TRRAP: variants seen among roughly 807,000 people sequenced by gnomAD.
TRRAP encodes transformation/transcription domain-associated protein.
Under a neutral mutation model 438.8 loss-of-function variants are expected in TRRAP, and 41 were observed. That is an observed-to-expected ratio of 0.09 (90% CI 0.07 to 0.12). The LOEUF is 0.12. TRRAP is among the 10% of genes least tolerant of loss of function. The pLI, the probability that TRRAP is intolerant of heterozygous loss-of-function variation, is 1.00. For synonymous variants in TRRAP, 1,994 were observed against 1,962.9 expected (o/e 1.02, Z -0.42); for missense variants, 3,122 against 5,055.1 (o/e 0.62, Z 11.60).
At chr7:98,947,159 A>G (rs2116597759) in intron 33 of TRRAP, among the ~76,000 whole-genome samples, 2 of 152,374 alleles carry the variant, frequency 1.3e-5, no homozygotes, top group East Asian at 1.9e-4. Flanking sequence ...CCTTGTGGCC[A>G]TGGAGAATTC....
chr7:98,941,501 C>T lies in TRRAP; in HGVS notation c.4405-1448C>T, dbSNP rs565281675. Among the ~76,000 whole-genome samples the T allele has an allele frequency of 6.6e-5, 10 of 152,158 alleles. No homozygotes were observed. In the East Asian group the frequency reaches 1.7e-3, roughly 26 times the overall value. On this transcript the variant is annotated intron_variant, in intron 30 of 72. Transcript: ENST00000456197. ...TTGATTGGCTTGAATATTTCCTCATCAAACTAAAGATGAATTTTATATACC... is the reference window on the plus strand; with the variant it reads ...TTGATTGGCTTGAATATTTCCTCATTAAACTAAAGATGAATTTTATATACC...
chr7:99,004,129 G>A, intron 67 of TRRAP, 61 bp from the exon 68 acceptor site: 1 of 1,471,274 alleles, frequency 6.8e-7, no homozygotes, highest in Non-Finnish European at 9.2e-7. Context: ...AGCGTTTTTT[G>A]CAGTGTGTTA....
At chr7:98,935,338 T>C (rs537273413) in intron 27 of TRRAP, among the ~76,000 whole-genome samples, 1 of 151,570 alleles carries the variant, frequency 6.6e-6, no homozygotes, top group East Asian at 1.9e-4. Context: ...GAAAAAAACA[T>C]GGTGGTATCA....
At chr7:98,952,680 G>T (rs562812502) in intron 39 of TRRAP, among the ~76,000 whole-genome samples, 1 of 152,326 alleles carries the variant, frequency 6.6e-6, no homozygotes, top group Non-Finnish European at 1.5e-5. Flanking sequence ...TGAAGGGGAA[G>T]AGTGGGCTGA....
In TRRAP at chr7:99,007,434, C is replaced by T. The variant is rs145279243; in HGVS notation, c.10754-943C>T. On this transcript the variant is annotated intron_variant, in intron 69 of 72. Transcript: ENST00000456197. The stretch of plus-strand genomic sequence containing the variant: ...CGCAATCTCAGTTCACTGCCACCTC[C>T]ACCTCCTGGGTTCAAGCAATTCTTC... Among the ~76,000 whole-genome samples, 260 of 152,172 alleles carry T rather than the reference C, an allele frequency of 1.7e-3. 2 individuals are homozygous for T. Among genetic ancestry groups the T allele is most frequent in the African/African-American group, 6.0e-3 (250 of 41,508 alleles).
intron 53 of TRRAP, among the ~76,000 whole-genome samples, chr7:98,974,646 A>G (rs1002634516): frequency 3.3e-5 from 5 of 152,230 alleles, no homozygotes; most frequent in Non-Finnish European, 7.3e-5. Flanking sequence ...AAATCCCTAA[A>G]GATCAAAATT....
chr7:98,925,223 GACA>G lies in TRRAP; in HGVS notation c.2940_2942del (p.Asn980del). Reference sequence around the variant, plus strand: ...CCTGGTGGCCATGATGAGCCTGGAGGACAACAAGCACGCACTCTACCAGCTCCT... The same window carrying G: ...CCTGGTGGCCATGATGAGCCTGGAGGACAAGCACGCACTCTACCAGCTCCT... On this transcript the variant is annotated inframe_deletion, in exon 22 of 73. Coordinates refer to ENST00000456197, the MANE Select transcript of TRRAP (RefSeq NM_001375524.1). 1 of 1,614,134 alleles carries G rather than the reference GACA, an allele frequency of 6.2e-7. No individual in the cohort carries two copies.
rs1379498211 is a variant in TRRAP at position 99,012,759 on chromosome 7, T to C, written c.*404T>C. ...TCGGAAATAACACCTCACAGCAGCT[T>C]CGTGCTTTTGTACAGACCTTTGTAA... is the stretch of plus-strand genomic sequence containing the variant. On this transcript the variant is annotated 3_prime_UTR_variant, in exon 73 of 73. Coordinates refer to ENST00000456197, the MANE Select transcript of TRRAP (RefSeq NM_001375524.1). This position sits in a 1 kb window ranked among gnomAD's most constrained non-coding sequence, Gnocchi z 5.9. 5.1e-6 allele frequency: 1 copy of C among 194,932 alleles called. No individual in the cohort carries two copies. The highest frequency in any genetic ancestry group is 2.3e-5 in the African/African-American group (1 of 42,568). The allele number at this position is 194,932 out of a possible 1,614,324, so 12.1% of individuals were successfully genotyped here.
At chr7:99,008,585 G>A (rs1442348705) in intron 70 of TRRAP, 24 bp downstream of exon 70, 1 of 1,609,306 alleles carries the variant, frequency 6.2e-7, no homozygotes, top group Non-Finnish European at 8.5e-7. Flanking sequence ...CGGGCCGGGG[G>A]CCGAGCTGCC....
In TRRAP at chr7:98,893,811, A is replaced by C; in HGVS notation, c.380A>C (p.Glu127Ala). Residue 127 changes from glutamate to alanine, a missense_variant, in exon 6 of 73, where the codon GAA becomes GCA. By Grantham distance (107) the Glu-to-Ala change is moderately radical. Coordinates refer to ENST00000456197, the MANE Select transcript of TRRAP (RefSeq NM_001375524.1). ...MFRFLETENE[E>A]NVLICLRIII... ...GCTTTTTTTTAGACGGAAAATGAAG[A>C]AAATGTTCTTATTTGTCTAAGAATA... is the stretch of plus-strand genomic sequence containing the variant. 6.2e-7 allele frequency: 1 copy of C among 1,613,392 alleles called. No homozygotes were observed. The highest frequency in any genetic ancestry group is 8.5e-7 in the Non-Finnish European group (1 of 1,179,734).
In TRRAP at chr7:98,881,163, G is replaced by A. The variant is rs782703507; in HGVS notation, c.13G>A (p.Ala5Thr). 3.7e-6 allele frequency: 6 copies of A among 1,605,486 alleles called. No homozygotes were observed. In the South Asian group the frequency reaches 6.7e-5, roughly 18 times the overall value. ...GCCCAAAAGAAAAATGGCGTTTGTT[G>A]CAACACAGGGGGCCACGGTGGTTGA... MAFV[A>T]TQGATVVDQT... The change falls in exon 2 of 73, where the codon GCA (alanine) becomes ACA (threonine). Residue 5 changes from alanine (A) to threonine (T), a missense_variant. Physicochemically the swap from Ala to Thr is moderately conservative, Grantham distance 58. Around this residue, in one of 24 missense-constraint regions of TRRAP, gnomAD observed 343 missense variants for 564.0 expected, o/e 0.61. Coordinates refer to ENST00000456197, the MANE Select transcript of TRRAP (RefSeq NM_001375524.1).
At position 98,917,723 on chromosome 7, in the gene TRRAP, C is replaced by G. The variant is rs181890245; in HGVS notation, c.2622+44C>G. On this transcript the variant is annotated intron_variant, in intron 20 of 72. Coordinates refer to ENST00000456197, the MANE Select transcript of TRRAP (RefSeq NM_001375524.1). ...TGTTAGCTGGCTGCTTCCCTGGAAGCAGTGGGCCGTCATTGGGTTCTCTGT... is the reference window on the plus strand; with the variant it reads ...TGTTAGCTGGCTGCTTCCCTGGAAGGAGTGGGCCGTCATTGGGTTCTCTGT... The G allele has an allele frequency of 2.8e-5, 44 of 1,596,042 alleles. No individual in the cohort carries two copies. The African/African-American group carries it at 5.4e-4, about 19-fold the overall frequency.
Position 99,011,315 on chromosome 7 carries a change from C to CT in TRRAP, c.11143-25dup. ...TGACATCGCCTTTCTGCTGAAGTTC[C>CT]TAAAGTGTCTCCTTCTGAAATTTAG... On this transcript the variant is annotated intron_variant, in intron 71 of 72. Coordinates refer to ENST00000456197, the MANE Select transcript of TRRAP (RefSeq NM_001375524.1). This position sits in a 1 kb window ranked among gnomAD's most constrained non-coding sequence, Gnocchi z 7.1. 9 of 1,613,116 alleles carry CT rather than the reference C, an allele frequency of 5.6e-6. No homozygotes were observed. The highest frequency in any genetic ancestry group is 7.6e-6 in the Non-Finnish European group (9 of 1,179,078).
At chr7:98,997,451 G>A (rs1173738523) in intron 67 of TRRAP, among the ~76,000 whole-genome samples, 3 of 106,052 alleles carry the variant, frequency 2.8e-5, no homozygotes, top group African/African-American at 1.1e-4. Context: ...GTAGGTATCA[G>A]TCCAAAATTA....
At chr7:99,004,600 T>A (rs1794077447) in intron 68 of TRRAP, among the ~76,000 whole-genome samples, 185 bp downstream of exon 68, 1 of 152,236 alleles carries the variant, frequency 6.6e-6, no homozygotes, top group Non-Finnish European at 1.5e-5. Context: ...GCTGACTGGT[T>A]AGCTGTCCTG....
At position 99,004,318 on chromosome 7, in the gene TRRAP, C is replaced by A; in HGVS notation, c.10438C>A (p.Arg3480=). 6.2e-7 allele frequency: 1 copy of A among 1,614,194 alleles called. No homozygotes were observed. Among genetic ancestry groups the A allele is most frequent in the South Asian group, 1.1e-5 (1 of 91,082 alleles). The part of the protein sequence containing the change: ...PKFFLIEEKC[R]FLSNFSAQTA... ...ATTCTTCCTCATAGAGGAAAAGTGC[C>A]GGTTCTTGAGCAATTTCTCGGCACA... The change falls in exon 68 of 73, where the codon CGG becomes AGG. Residue 3480 remains arginine (R), a synonymous_variant. Transcript: ENST00000456197.
At chr7:98,893,100 T>A (rs1466729946) in intron 5 of TRRAP, among the ~76,000 whole-genome samples, 1 of 152,128 alleles carries the variant, frequency 6.6e-6, no homozygotes, top group Non-Finnish European at 1.5e-5. Context: ...TACAGGCCCT[T>A]GCCACCATGC....
In TRRAP at chr7:98,903,333, C is replaced by T. The variant is rs7777927; in HGVS notation, c.898-46C>T. On this transcript the variant is annotated intron_variant, in intron 11 of 72. Transcript: ENST00000456197. ...CTGATAACATTTGAATTTTTCTTAA[C>T]ACTCTCCTATCCCTGTAACTGTGTC... 0.84 allele frequency: 1,344,413 copies of T among 1,597,254 alleles called. 578,634 individuals are homozygous for T. Among genetic ancestry groups the T allele is most frequent in the South Asian group, 0.88 (78,142 of 88,824 alleles).
In TRRAP at chr7:98,976,959, G is replaced by A. The variant is rs759369634; in HGVS notation, c.8268G>A (p.Ala2756=). The A allele has an allele frequency of 1.4e-5, 22 of 1,614,020 alleles. No individual in the cohort carries two copies. In the East Asian group the frequency reaches 3.6e-4, roughly 26 times the overall value. ...TTCAGGAGATACTGGATTCCCTTGC[G>A]GAGCTTTACTCCCTGTTACAAGAGG... The part of the protein sequence containing the change: ...PPQQEILDSL[A]ELYSLLQEED... Residue 2756 remains alanine (A), a synonymous_variant, in exon 56 of 73, where the codon GCG becomes GCA. Coordinates refer to ENST00000456197, the MANE Select transcript of TRRAP (RefSeq NM_001375524.1). The surrounding 1 kb of genome is among the most constrained non-coding windows in gnomAD (Gnocchi z 4.6).
Sources: gnomAD v4.1 joint callset for allele counts (sites outside exome capture counted in the v4.1 genomes callset) on GRCh38, gnomAD v4.1.1 for gene constraint, gnomAD v4.1.1 regional missense constraint, Gnocchi (gnomAD v3.1) non-coding constraint, MANE v1.5 for transcripts, NCBI Gene and HGNC (gene_info 2026-07-23, HGNC 2026-07-21) for gene names.